The following HSPD1 variants were observed in gnomAD, a reference collection of about 807,000 sequenced individuals.
HSPD1 encodes 60 kDa heat shock protein, mitochondrial.
Under a neutral mutation model 53.0 loss-of-function variants are expected in HSPD1, and 3 were observed. The ratio of observed to expected loss-of-function variants is 0.06; its 90% confidence interval spans 0.03 to 0.15. The LOEUF (loss-of-function observed/expected upper bound fraction) is 0.15, where lower values mean the gene tolerates loss of function less well. Ranked by LOEUF, HSPD1 falls within the 10% of genes least tolerant of loss-of-function variation. The pLI is 1.00. For missense variants in HSPD1, 431 were observed against 694.1 expected (o/e 0.62, Z 4.26); for synonymous variants, 200 against 228.0 (o/e 0.88, Z 1.10).
intron 10 of HSPD1, 30 bp from the exon 11 acceptor site, chr2:197,488,066 A>ACTTT: frequency 6.9e-7 from 1 of 1,441,192 alleles, no homozygotes; most frequent in Non-Finnish European, 9.6e-7. Context: ...AAATTTTAAT[A>ACTTT]CTTTCATTTG....
At chr2:197,491,510 T>G (rs530002853) in intron 7 of HSPD1, among the ~76,000 whole-genome samples, 1 of 152,256 alleles carries the variant, frequency 6.6e-6, no homozygotes, top group South Asian at 2.1e-4. Flanking sequence ...AAGAAAAACA[T>G]TCCAGGGTAA....
At chr2:197,494,822 TTCCTA>T in intron 4 of HSPD1, 70 bp from the exon 5 acceptor site, 1 of 1,013,504 alleles carries the variant, frequency 9.9e-7, no homozygotes, top group Non-Finnish European at 1.6e-6. Flanking sequence ...CCCTTACCTT[TTCCTA>T]GTAACTTCCA....
chr2:197,490,456 A>T, intron 7 of HSPD1, 160 bp from the exon 8 acceptor site: 1 of 634,694 alleles, frequency 1.6e-6, no homozygotes, highest in Admixed American at 2.8e-5. Flanking sequence ...TTTTTGATCA[A>T]ATTAAGACAG....
chr2:197,488,214 A>T (rs1415186105), intron 10 of HSPD1, 103 bp downstream of exon 10: 1 of 1,100,892 alleles, frequency 9.1e-7, no homozygotes, highest in Non-Finnish European at 1.4e-6. Flanking sequence ...TACTTCTGTT[A>T]TTCAGGAAAT....
intron 7 of HSPD1, among the ~76,000 whole-genome samples, chr2:197,491,371 A>G (rs958529878): frequency 5.3e-5 from 8 of 151,974 alleles, no homozygotes; most frequent in African/African-American, 1.9e-4. Flanking sequence ...CGTATTAGCC[A>G]GGATGGTCTC....
intron 9 of HSPD1, among the ~76,000 whole-genome samples, chr2:197,488,800 G>A (rs1435259495): frequency 9.9e-5 from 15 of 152,110 alleles, no homozygotes; most frequent in Non-Finnish European, 2.1e-4. Flanking sequence ...CCCAAGAGGC[G>A]GAGGTTGCAG....
At position 197,498,672 on chromosome 2, in the gene HSPD1, T is replaced by C; in HGVS notation, c.174+3A>G. 6.2e-7 allele frequency: 1 copy of C among 1,612,784 alleles called. No homozygotes were observed. Among genetic ancestry groups the C allele is most frequent in the Non-Finnish European group, 8.5e-7 (1 of 1,178,808 alleles). On this transcript the variant is annotated splice_donor_region_variant and intron_variant, in intron 2 of 11. Transcript: ENST00000388968. ...AATTACAATAAAATAAAAATACTGG[T>C]ACCTTTGGCCCCATTGTAACGGCCA...
At chr2:197,499,131 T>G in intron 1 of HSPD1, 1 of 505,438 alleles carries the variant, frequency 2.0e-6, no homozygotes, top group East Asian at 3.8e-5. Context: ...AAAAACGAGT[T>G]AATCTTTCAC....
Position 197,497,192 on chromosome 2 carries a change from C to T in HSPD1, c.375G>A (p.Lys125=). Residue 125 remains lysine (K), a synonymous_variant, in exon 3 of 12, where the codon AAG becomes AAA. Transcript: ENST00000388968. The part of the protein sequence containing the change: ...TATVLARSIA[K]EGFEKISKGA... ...CTTTGCTAATCTTCTCGAAGCCTTC[C>T]TTGGCTATAGAGCGTGCCAGTACAG... 1 of 1,614,102 alleles carries T rather than the reference C, an allele frequency of 6.2e-7. No homozygotes were observed. The highest frequency in any genetic ancestry group is 8.5e-7 in the Non-Finnish European group (1 of 1,179,936).
rs1354119569 is a variant in HSPD1, at chr2:197,494,558, A to T, written c.606+99T>A. 8.2e-6 allele frequency: 7 copies of T among 852,952 alleles called. No individual in the cohort carries two copies. In the African/African-American group the frequency reaches 1.2e-4, roughly 15 times the overall value. The allele number at this position is 852,952 out of a possible 1,614,324, so 52.8% of individuals were successfully genotyped here. A position where few individuals can be genotyped will look rare whatever the true frequency, so the allele number is the denominator to read the frequency against. On this transcript the variant is annotated intron_variant, in intron 5 of 11. Coordinates refer to ENST00000388968, the MANE Select transcript of HSPD1 (RefSeq NM_002156.5). ...TAAAAAAAGCAGTTTTTAAAACAGA[A>T]TTTTTCTGTTTGAAAAATTCAGTTT...
chr2:197,495,899 G>A (rs918743046), intron 3 of HSPD1, among the ~76,000 whole-genome samples: 4 of 152,110 alleles, frequency 2.6e-5, no homozygotes, highest in Admixed American at 1.3e-4. Flanking sequence ...TTGAAAATAG[G>A]ACTAAAACAA....
rs375104586 is a variant in HSPD1, at chr2:197,498,870, G to T, written c.-2-20C>A. Reference sequence around the variant, plus strand: ...GCATTTCTGGGGATGGAAGCAAAAAGATCATCAGAACTACCACCCGTGGTG... The same window carrying T: ...GCATTTCTGGGGATGGAAGCAAAAATATCATCAGAACTACCACCCGTGGTG... On this transcript the variant is annotated intron_variant, in intron 1 of 11. Coordinates refer to ENST00000388968, the MANE Select transcript of HSPD1 (RefSeq NM_002156.5). 2 of 1,612,368 alleles carry T rather than the reference G, an allele frequency of 1.2e-6. No homozygotes were observed. The highest frequency in any genetic ancestry group is 2.7e-5 in the African/African-American group (2 of 74,892).
At chr2:197,498,214 G>A (rs1311369363) in intron 2 of HSPD1, among the ~76,000 whole-genome samples, 1 of 152,072 alleles carries the variant, frequency 6.6e-6, no homozygotes, top group Non-Finnish European at 1.5e-5. Flanking sequence ...TGTAATTGAT[G>A]TCCCCAAAGT....
chr2:197,488,329 C>A lies in HSPD1; in HGVS notation c.1378G>T (p.Asp460Tyr). ...ALDSLTPANE[D>Y]QKIGIEIIKR... Reference sequence around the variant, plus strand: ...GGTAACTTTTTACCAATTTTTTGATCTTCATTAGCTGGAGTCAATGAGTCC... The same window carrying A: ...GGTAACTTTTTACCAATTTTTTGATATTCATTAGCTGGAGTCAATGAGTCC... Residue 460 changes from aspartate (D) to tyrosine (Y), a missense_variant, in exon 10 of 12, where the codon GAT becomes TAT. By Grantham distance (160) the Asp-to-Tyr change is radical. Around this residue, in one of 2 missense-constraint regions of HSPD1, gnomAD observed 386 missense variants for 657.6 expected, o/e 0.59. Coordinates refer to ENST00000388968, the MANE Select transcript of HSPD1 (RefSeq NM_002156.5). The A allele has an allele frequency of 6.2e-7, 1 of 1,613,914 alleles. No individual in the cohort carries two copies.
At position 197,489,249 on chromosome 2, in the gene HSPD1, T is replaced by G; in HGVS notation, c.970-2A>C. 6.2e-7 allele frequency: 1 copy of G among 1,614,076 alleles called. No individual in the cohort carries two copies. Among genetic ancestry groups the G allele is most frequent in the Non-Finnish European group, 8.5e-7 (1 of 1,179,950 alleles). On this transcript the variant is annotated splice_acceptor_variant, in intron 8 of 11. Transcript: ENST00000388968. LOFTEE classifies it high-confidence loss of function. Reference sequence around the variant, plus strand: ...GGTCAATCCCTCTTCTCCAAACACCTACAAAAAGAGTTAAACGTAAACCTG... The same window carrying G: ...GGTCAATCCCTCTTCTCCAAACACCGACAAAAAGAGTTAAACGTAAACCTG...
chr2:197,487,829 G>T lies in HSPD1; in HGVS notation c.1569+29C>A, dbSNP rs116812660. On this transcript the variant is annotated intron_variant, in intron 11 of 11. Transcript: ENST00000388968. ...TACATTAACAAAATGAACAACAAAA[G>T]AATTTTTAGAAAGTGTTCAACCATT... The T allele has an allele frequency of 1.0e-4, 166 of 1,590,572 alleles. 2 individuals are homozygous for T. In the South Asian group the frequency reaches 1.5e-3, roughly 14 times the overall value.
chr2:197,494,570 GA>G (rs1283715860), intron 5 of HSPD1, 86 bp downstream of exon 5: 4 of 954,882 alleles, frequency 4.2e-6, no homozygotes, highest in Non-Finnish European at 6.7e-6. Context: ...TTTTCTGTTT[GA>G]AAAATTCAGT....
chr2:197,490,869 T>C (rs1048121475), intron 7 of HSPD1, among the ~76,000 whole-genome samples: 5 of 152,270 alleles, frequency 3.3e-5, no homozygotes, highest in African/African-American at 1.2e-4. Flanking sequence ...GAGTTTTGAA[T>C]GAGCAATGTT....
chr2:197,492,611 G>A, intron 7 of HSPD1, among the ~76,000 whole-genome samples: 1 of 152,038 alleles, frequency 6.6e-6, no homozygotes, highest in East Asian at 1.9e-4. Context: ...CAAAAAACAA[G>A]ATTGACACTT....
Sources: gnomAD v4.1 joint callset for allele counts (sites outside exome capture counted in the v4.1 genomes callset) on GRCh38, gnomAD v4.1.1 for gene constraint, gnomAD v4.1.1 regional missense constraint, MANE v1.5 for transcripts, NCBI Gene and HGNC (gene_info 2026-07-23, HGNC 2026-07-21) for gene names.